SLC4A4: variants seen among roughly 807,000 people sequenced by gnomAD.
SLC4A4 encodes the protein electrogenic sodium bicarbonate cotransporter 1.
In SLC4A4, 27 loss-of-function variants were observed where a neutral mutation model predicts 111.5. The ratio of observed to expected loss-of-function variants is 0.24; its 90% confidence interval spans 0.18 to 0.33. The LOEUF (loss-of-function observed/expected upper bound fraction) is 0.33, where lower values mean the gene tolerates loss of function less well. SLC4A4 is among the 10% of genes least tolerant of loss of function. The pLI is 1.00. For missense variants in SLC4A4, 909 were observed against 1,315.5 expected (o/e 0.69, Z 4.78); for synonymous variants, 443 against 463.4 (o/e 0.96, Z 0.57).
intron 1 of SLC4A4, among the ~76,000 whole-genome samples, chr4:71,087,485 A>G (rs1742216585): frequency 6.6e-6 from 1 of 151,726 alleles, no homozygotes. Flanking sequence ...TAGTTCTTTT[A>G]TTTGTGATGT....
intron 7 of SLC4A4, among the ~76,000 whole-genome samples, chr4:71,433,735 C>A (rs760622029): frequency 2.6e-5 from 4 of 151,996 alleles, no homozygotes; most frequent in Non-Finnish European, 5.9e-5. Flanking sequence ...TTCTCTAAGA[C>A]TCAGGAATTC....
chr4:71,453,657 T>A lies in SLC4A4; in HGVS notation c.1485T>A (p.Thr495=), dbSNP rs375765213. 2 of 1,613,876 alleles carry A rather than the reference T, an allele frequency of 1.2e-6. No homozygotes were observed. Among genetic ancestry groups the A allele is most frequent in the Non-Finnish European group, 1.7e-6 (2 of 1,179,836 alleles). The part of the protein sequence containing the change: ...ITFGGLLGDA[T]DNMQGVLESF... ...TTGGAGGACTGCTTGGGGATGCCAC[T>A]GACAACATGCAGGTGGGTATGGTTT... The change falls in exon 12 of 26, where the codon ACT becomes ACA. Residue 495 remains threonine, a synonymous_variant. Transcript: ENST00000264485.
chr4:71,405,100 G>A (rs982845535), intron 7 of SLC4A4, among the ~76,000 whole-genome samples: 2 of 152,108 alleles, frequency 1.3e-5, no homozygotes, highest in Non-Finnish European at 1.5e-5. Flanking sequence ...ATAAGCGTAA[G>A]CCACTATGCC....
At position 71,497,634 on chromosome 4, in the gene SLC4A4, C is replaced by T; in HGVS notation, c.2108C>T (p.Thr703Ile). The change falls in exon 16 of 26, where the codon ACC becomes ATC. Residue 703 changes from threonine (T) to isoleucine (I), a missense_variant. Coordinates refer to ENST00000264485, the MANE Select transcript of SLC4A4 (RefSeq NM_001098484.3). ...ATGTCTTTTATCCTCTTCTTGGGAACCTACACCTCTTCCATGGCTCTGAAA... is the reference window on the plus strand; with the variant it reads ...ATGTCTTTTATCCTCTTCTTGGGAATCTACACCTCTTCCATGGCTCTGAAA... The part of the protein sequence containing the change: ...TLMSFILFLG[T>I]YTSSMALKKF... The T allele has an allele frequency of 6.2e-7, 1 of 1,613,696 alleles. No individual in the cohort carries two copies. The highest frequency in any genetic ancestry group is 8.5e-7 in the Non-Finnish European group (1 of 1,179,736).
chr4:71,129,736 A>T (rs1010984131), intron 2 of SLC4A4, among the ~76,000 whole-genome samples: 1 of 150,888 alleles, frequency 6.6e-6, no homozygotes, highest in Admixed American at 6.6e-5. Flanking sequence ...TCAGTGATAG[A>T]CTGAATAAAG....
chr4:71,478,586 C>T (rs1038280473), intron 14 of SLC4A4, among the ~76,000 whole-genome samples: 3 of 149,548 alleles, frequency 2.0e-5, no homozygotes, highest in Non-Finnish European at 4.4e-5. Flanking sequence ...GGGAGGGGAA[C>T]ATCACACACC....
chr4:71,117,779 A>G (rs370719846), intron 2 of SLC4A4, among the ~76,000 whole-genome samples: 6 of 151,992 alleles, frequency 3.9e-5, no homozygotes, highest in African/African-American at 1.5e-4. Flanking sequence ...ATAGTCAATT[A>G]TATTGTAGTT....
chr4:71,465,562 T>G (rs1158649948), intron 12 of SLC4A4, among the ~76,000 whole-genome samples: 1 of 151,038 alleles, frequency 6.6e-6, no homozygotes, highest in Non-Finnish European at 1.5e-5. Context: ...ACCTAACTAC[T>G]AACTAAACTA....
At chr4:71,126,348 T>G (rs1743563356) in intron 2 of SLC4A4, among the ~76,000 whole-genome samples, 2 of 152,204 alleles carry the variant, frequency 1.3e-5, no homozygotes, top group Admixed American at 6.5e-5. Flanking sequence ...TCTCATGTTA[T>G]GTTTTGACTT....
At chr4:71,220,176 C>G (rs1251150993) in intron 1 of SLC4A4, among the ~76,000 whole-genome samples, 1 of 152,154 alleles carries the variant, frequency 6.6e-6, no homozygotes, top group Non-Finnish European at 1.5e-5. Flanking sequence ...ATTGATGAGG[C>G]AAACTTTATT....
At chr4:71,508,930 G>A (rs556368647) in intron 16 of SLC4A4, among the ~76,000 whole-genome samples, 4 of 152,272 alleles carry the variant, frequency 2.6e-5, no homozygotes, top group African/African-American at 7.2e-5. Context: ...TCATCTCTGG[G>A]ATGCAAGGTT....
intron 3 of SLC4A4, among the ~76,000 whole-genome samples, chr4:71,291,005 G>C (rs1019612122): frequency 3.3e-5 from 5 of 152,178 alleles, no homozygotes; most frequent in African/African-American, 1.2e-4. Flanking sequence ...TGGAAGTGGA[G>C]GCACCAAAGA....
intron 7 of SLC4A4, among the ~76,000 whole-genome samples, chr4:71,428,783 A>T (rs1723379786): frequency 6.6e-6 from 1 of 152,104 alleles, no homozygotes; most frequent in African/African-American, 2.4e-5. Context: ...ACAGGTACAG[A>T]TTTGAAGATT....
intron 6 of SLC4A4, among the ~76,000 whole-genome samples, chr4:71,359,409 C>A: frequency 6.6e-6 from 1 of 152,172 alleles, no homozygotes; most frequent in African/African-American, 2.4e-5. Context: ...TGCTACCTAA[C>A]TTCTTTTAAA....
chr4:71,359,084 A>G (rs1298259763), intron 6 of SLC4A4, among the ~76,000 whole-genome samples: 1 of 152,224 alleles, frequency 6.6e-6, no homozygotes, highest in Non-Finnish European at 1.5e-5. Flanking sequence ...CAGGCAGAGT[A>G]GAAATTAGGA....
chr4:71,259,835 A>G (rs1721719194), intron 3 of SLC4A4, among the ~76,000 whole-genome samples: 1 of 152,188 alleles, frequency 6.6e-6, no homozygotes, highest in South Asian at 2.1e-4. Context: ...GTGACTGTAG[A>G]GATCCTGAAG....
chr4:71,257,805 G>T (rs1721568972), intron 3 of SLC4A4, among the ~76,000 whole-genome samples: 2 of 152,142 alleles, frequency 1.3e-5, no homozygotes, highest in South Asian at 4.1e-4. Context: ...AAACCAAAAA[G>T]CCCACATATA....
rs563157740 is a variant in SLC4A4, at chr4:71,393,444, A to C, written c.731-4133A>C. On this transcript the variant is annotated intron_variant, in intron 6 of 25. Transcript: ENST00000264485. Reference sequence around the variant, plus strand: ...CTGCAAAAAAATAAAATACTTAGGAATATACCTAACGAAGGAGGCGAAAGA... The same window carrying C: ...CTGCAAAAAAATAAAATACTTAGGACTATACCTAACGAAGGAGGCGAAAGA... 8.6e-4 allele frequency among the ~76,000 whole-genome samples: 131 copies of C among 152,294 alleles called. 1 individual carries two copies. The highest frequency in any genetic ancestry group is 5.2e-3 in the South Asian group (25 of 4,826).
At chr4:71,101,884 G>A (rs1350161068) in intron 2 of SLC4A4, among the ~76,000 whole-genome samples, 4 of 152,096 alleles carry the variant, frequency 2.6e-5, no homozygotes, top group African/African-American at 7.2e-5. Flanking sequence ...CCAAAGGAAC[G>A]CAGTTCCTCA....
Sources: allele counts gnomAD v4.1 joint callset (sites outside exome capture counted in the v4.1 genomes callset), GRCh38; gene constraint gnomAD v4.1.1; transcripts MANE v1.5; gene names NCBI Gene and HGNC (gene_info 2026-07-23, HGNC 2026-07-21).